Variants in CALCR observed in about 807,000 individuals in gnomAD.
CALCR encodes calcitonin receptor.
Under a neutral mutation model 59.5 loss-of-function variants are expected in CALCR, and 47 were observed. The observed-to-expected ratio is 0.79, with a 90% confidence interval of 0.63 to 1.01. The LOEUF (loss-of-function observed/expected upper bound fraction) is 1.01, where lower values mean the gene tolerates loss of function less well. Among genes scored for constraint, CALCR ranks in the 50% least tolerant of loss-of-function variants. CALCR has a pLI of 0.00. For synonymous variants in CALCR, 213 were observed against 211.3 expected, an observed-to-expected ratio of 1.01 and a Z score of -0.07; for missense variants, 566 against 597.1, an observed-to-expected ratio of 0.95 and a Z score of 0.54.
chr7:93,429,220 A>G (rs1462138511), intron 13 of CALCR, among the ~76,000 whole-genome samples: 1 of 152,220 alleles, frequency 6.6e-6, no homozygotes, highest in Non-Finnish European at 1.5e-5. Context: ...TTAAAAAATT[A>G]TAGACTAATA....
At chr7:93,456,435 G>GAA (rs557004193) in intron 8 of CALCR, among the ~76,000 whole-genome samples, 1 of 141,328 alleles carries the variant, frequency 7.1e-6, no homozygotes. Flanking sequence ...GTTTTCTGTA[G>GAA]AAAAAAAAAA....
At chr7:93,526,084 A>G (rs1196406739) in intron 2 of CALCR, among the ~76,000 whole-genome samples, 1 of 152,196 alleles carries the variant, frequency 6.6e-6, no homozygotes, top group Non-Finnish European at 1.5e-5. Flanking sequence ...CTGTTTTGAT[A>G]GGAAGTCAAC....
In CALCR at chr7:93,559,329, C is replaced by A. The variant is rs959054524; in HGVS notation, c.-27+14960G>T. Among the ~76,000 whole-genome samples, 6 of 152,108 alleles carry A rather than the reference C, an allele frequency of 3.9e-5. No homozygotes were observed. The South Asian group carries it at 6.2e-4, about 16-fold the overall frequency. ...CCCCCTCCCCTCAGTCCCTAAGACACAACACATCAGTTTCCATGATTGCTG... is the reference window on the plus strand; with the variant it reads ...CCCCCTCCCCTCAGTCCCTAAGACAAAACACATCAGTTTCCATGATTGCTG... On this transcript the variant is annotated intron_variant, in intron 2 of 13. Transcript: ENST00000426151.
intron 3 of CALCR, among the ~76,000 whole-genome samples, chr7:93,480,552 G>A (rs1284601162): frequency 6.6e-6 from 1 of 151,784 alleles, no homozygotes; most frequent in African/African-American, 2.4e-5. Context: ...TCTTCTATAT[G>A]TGCTAGTTTC....
At chr7:93,541,958 C>A (rs7809367) in intron 2 of CALCR, among the ~76,000 whole-genome samples, 27,921 of 151,942 alleles carry the variant, frequency 0.18, 3,282 homozygotes, top group East Asian at 0.36. Context: ...TGGATATAAA[C>A]ACAGTATGGC....
chr7:93,495,509 C>T (rs755084069), intron 2 of CALCR, among the ~76,000 whole-genome samples: 8 of 151,358 alleles, frequency 5.3e-5, no homozygotes, highest in East Asian at 3.9e-4. Context: ...GCCCTACTCG[C>T]GGAGCCAAAA....
At chr7:93,506,011 C>T (rs1452811531) in intron 2 of CALCR, among the ~76,000 whole-genome samples, 6 of 152,168 alleles carry the variant, frequency 3.9e-5, no homozygotes, top group African/African-American at 1.4e-4. Flanking sequence ...TTTGTCAAGC[C>T]TGTCTCTAAA....
chr7:93,557,165 T>G (rs987532304), intron 2 of CALCR, among the ~76,000 whole-genome samples: 5 of 152,014 alleles, frequency 3.3e-5, no homozygotes, highest in African/African-American at 1.2e-4. Flanking sequence ...TTTTGCCTCT[T>G]TCTTGCTAGA....
chr7:93,467,705 C>A (rs1800469336), intron 7 of CALCR, among the ~76,000 whole-genome samples: 1 of 151,434 alleles, frequency 6.6e-6, no homozygotes, highest in Non-Finnish European at 1.5e-5. Context: ...TAATCACATA[C>A]CACATTTTTT....
chr7:93,528,558 G>A (rs1177760880), intron 2 of CALCR, among the ~76,000 whole-genome samples: 2 of 152,114 alleles, frequency 1.3e-5, no homozygotes, highest in East Asian at 1.9e-4. Flanking sequence ...ATAGTTTGCC[G>A]AGAATGATGG....
intron 2 of CALCR, among the ~76,000 whole-genome samples, chr7:93,518,371 A>G (rs1289998839): frequency 6.6e-6 from 1 of 151,844 alleles, no homozygotes; most frequent in Non-Finnish European, 1.5e-5. Context: ...AACACAAATG[A>G]CCTATTCAAA....
chr7:93,517,317 A>ATCTTTTTTT (rs1554404282), intron 2 of CALCR, among the ~76,000 whole-genome samples: 12 of 127,750 alleles, frequency 9.4e-5, no homozygotes, highest in East Asian at 2.9e-4. Flanking sequence ...TTTTTTTTTA[A>ATCTTTTTTT]TTTGCTAGCC....
chr7:93,487,001 CTT>C lies in CALCR; in HGVS notation c.-22_-21del. On this transcript the variant is annotated 5_prime_UTR_variant, in exon 3 of 14. Coordinates refer to ENST00000426151, the MANE Select transcript of CALCR (RefSeq NM_001742.4). ...CCTCATTTTTGATTTTTGAAGATCT[CTT>C]TGTCCTAGAAAAATATAAAAGCAAC... 1 of 1,551,410 alleles carries C rather than the reference CTT, an allele frequency of 6.4e-7. No individual in the cohort carries two copies. Among genetic ancestry groups the C allele is most frequent in the Non-Finnish European group, 8.9e-7 (1 of 1,127,576 alleles).
At chr7:93,454,737 T>A (rs1035453783) in intron 8 of CALCR, among the ~76,000 whole-genome samples, 24 of 151,510 alleles carry the variant, frequency 1.6e-4, no homozygotes, top group African/African-American at 5.9e-4. Flanking sequence ...CTTTATGCCA[T>A]GAGTTATTTT....
intron 2 of CALCR, among the ~76,000 whole-genome samples, chr7:93,552,579 A>G (rs1563018148): frequency 6.6e-6 from 1 of 152,184 alleles, no homozygotes; most frequent in Non-Finnish European, 1.5e-5. Flanking sequence ...CATGGCCTAG[A>G]GTATGGCTGA....
intron 4 of CALCR, among the ~76,000 whole-genome samples, chr7:93,477,899 A>G (rs1225475404): frequency 6.9e-6 from 1 of 145,458 alleles, no homozygotes; most frequent in Non-Finnish European, 1.5e-5. Context: ...CTACTTTGTA[A>G]AAGGTTCCAA....
rs71782849 is a variant in CALCR at position 93,483,408 on chromosome 7, TATAGATAGATAGATAGATAG to T, written c.51+3503_51+3522del. On this transcript the variant is annotated intron_variant, in intron 3 of 13. Transcript: ENST00000426151. ...ACCCATGGATACAGAGGGCTGACTG[TATAGATAGATAGATAGATAG>T]ATAGATAGATAGATAGATAGATAGA... Among the ~76,000 whole-genome samples, 893 of 140,880 alleles carry T rather than the reference TATAGATAGATAGATAGATAG, an allele frequency of 6.3e-3. 7 individuals are homozygous for T. Among genetic ancestry groups the T allele is most frequent in the African/African-American group, 0.022 (799 of 35,782 alleles). 92.4% of individuals were successfully genotyped at this position (140,880 alleles called of 152,430 possible).
At chr7:93,468,839 G>C (rs749978790) in intron 6 of CALCR, 33 bp from the exon 7 acceptor site, 50 of 489,046 alleles carry the variant, frequency 1.0e-4, no homozygotes, top group South Asian at 2.3e-4. Context: ...AACAAACAAT[G>C]AATGAATGAT....
chr7:93,476,730 T>TA (rs1800674725), intron 5 of CALCR, among the ~76,000 whole-genome samples: 1 of 151,912 alleles, frequency 6.6e-6, no homozygotes, highest in African/African-American at 2.4e-5. Flanking sequence ...ACTTCTAATG[T>TA]AGTTGTCAAA....
Sources: allele counts gnomAD v4.1 joint callset (sites outside exome capture counted in the v4.1 genomes callset), GRCh38; gene constraint gnomAD v4.1.1; transcripts MANE v1.5; gene names NCBI Gene and HGNC (gene_info 2026-07-23, HGNC 2026-07-21).